The following PPP2R3B variants were observed in gnomAD, a reference collection of about 807,000 sequenced individuals.
PPP2R3B encodes serine/threonine-protein phosphatase 2A regulatory subunit B'' subunit beta.
Under a neutral mutation model 72.9 loss-of-function variants are expected in PPP2R3B, and 68 were observed. The ratio of observed to expected loss-of-function variants is 0.93; its 90% CI spans 0.77 to 1.14. The LOEUF (loss-of-function observed/expected upper bound fraction) is 1.14, where lower values mean the gene tolerates loss of function less well. Among genes scored for constraint, PPP2R3B ranks in the 50% most tolerant of loss-of-function variants. The pLI is 0.00. For missense variants in PPP2R3B, 1,018 were observed against 842.0 expected (o/e 1.21, Z -2.59); for synonymous variants, 466 against 375.8 (o/e 1.24, Z -2.78).
chrX:334,618 A>C (rs2070839100), intron 12 of PPP2R3B, 101 bp from the exon 13 acceptor site: 3 of 1,304,844 alleles, frequency 2.3e-6, no homozygotes, highest in Non-Finnish European at 3.0e-6. Context: ...CTCCAGCACG[A>C]GACAGTCCCC....
rs763001042 is a variant in PPP2R3B, at chrX:345,153, C to A, written c.1036+363G>T. ...TGGAAACTGCTCCAGGCCTTGGGGG[C>A]TGGAACCTGGAGCTCCTGAGGGAAG... On this transcript the variant is annotated intron_variant, in intron 7 of 12. Coordinates refer to ENST00000390665, the MANE Select transcript of PPP2R3B (RefSeq NM_013239.5). 2.1e-4 allele frequency: 110 copies of A among 523,888 alleles called. No individual in the cohort carries two copies. The Admixed American group carries it at 2.5e-3, about 12-fold the overall frequency. 32.5% of individuals were successfully genotyped at this position (523,888 alleles called of 1,614,324 possible).
At position 334,062 on chromosome X, in the gene PPP2R3B, A is replaced by T. The variant is rs1463862283; in HGVS notation, c.*305T>A. Reference sequence around the variant, plus strand: ...GGAGCCGCCGGTCACCGTTGTGCGCACACGGACCCTTTCCACAGACGCAGG... The same window carrying T: ...GGAGCCGCCGGTCACCGTTGTGCGCTCACGGACCCTTTCCACAGACGCAGG... On this transcript the variant is annotated 3_prime_UTR_variant, in exon 13 of 13. Coordinates refer to ENST00000390665, the MANE Select transcript of PPP2R3B (RefSeq NM_013239.5). The T allele has an allele frequency of 1.3e-5, 4 of 309,044 alleles. No individual in the cohort carries two copies. Among genetic ancestry groups the T allele is most frequent in the Non-Finnish European group, 2.4e-5 (4 of 169,186 alleles). The allele number at this position is 309,044 out of a possible 1,614,324, so 19.1% of individuals were successfully genotyped here.
intron 5 of PPP2R3B, 36 bp from the exon 6 acceptor site, chrX:346,296 G>A (rs1458207883): frequency 2.6e-6 from 4 of 1,534,758 alleles, no homozygotes; most frequent in Non-Finnish European, 2.6e-6. Flanking sequence ...GGTGCGCAGA[G>A]ACCCCCAGGA....
chrX:365,904 G>GTC (rs2071698414), intron 1 of PPP2R3B, among the ~76,000 whole-genome samples: 5 of 7,534 alleles, frequency 6.6e-4, no homozygotes, highest in African/African-American at 1.9e-3. Flanking sequence ...CAGGTGTGGT[G>GTC]GCGCATGCCT....
At chrX:378,172 A>G (rs185527351) in intron 1 of PPP2R3B, among the ~76,000 whole-genome samples, 227 of 152,338 alleles carry the variant, frequency 1.5e-3, no homozygotes, top group African/African-American at 4.9e-3. Context: ...CCTACTCTGA[A>G]GAGACAACAT....
In PPP2R3B at chrX:386,692, G is replaced by A. The variant is rs753008793; in HGVS notation, c.-1C>T. The A allele has an allele frequency of 2.3e-6, 3 of 1,288,336 alleles. No individual in the cohort carries two copies. Among genetic ancestry groups the A allele is most frequent in the African/African-American group, 3.1e-5 (2 of 64,032 alleles). The allele number at this position is 1,288,336 out of a possible 1,614,324, so 79.8% of individuals were successfully genotyped here. On this transcript the variant is annotated 5_prime_UTR_variant, in exon 1 of 13. Transcript: ENST00000390665. ...GCTGCAGCACTTTGCCGGGCGGCAT[G>A]GCGGGGGCTGGGCCCGCGGCGCCCC...
At chrX:356,549 A>G (rs1392833241) in intron 2 of PPP2R3B, among the ~76,000 whole-genome samples, 1 of 152,200 alleles carries the variant, frequency 6.6e-6, no homozygotes, top group Non-Finnish European at 1.5e-5. Context: ...TTACAAAACT[A>G]AACATGTGGC....
Position 341,897 on chromosome X carries a change from T to C in PPP2R3B, c.1071A>G (p.Ser357=), listed in dbSNP as rs2071087180. Residue 357 remains serine, a synonymous_variant, in exon 8 of 13, where the codon TCA becomes TCG. Transcript: ENST00000390665. ...GCCGTACGTACCGTGTGACTGCTCCTGAGAAGATCCTGTCTATCATCTTGG... is the reference window on the plus strand; with the variant it reads ...GCCGTACGTACCGTGTGACTGCTCCCGAGAAGATCCTGTCTATCATCTTGG... ...LSTKMIDRIF[S]GAVTRGRKVQ... 6.2e-7 allele frequency: 1 copy of C among 1,612,686 alleles called. No homozygotes were observed. The highest frequency in any genetic ancestry group is 1.3e-5 in the African/African-American group (1 of 75,062).
At chrX:378,966 C>T (rs919701290) in intron 1 of PPP2R3B, among the ~76,000 whole-genome samples, 15 of 152,348 alleles carry the variant, frequency 9.8e-5, no homozygotes, top group African/African-American at 3.4e-4. Flanking sequence ...TTTTGTCTTA[C>T]AACATGTTTG....
intron 12 of PPP2R3B, 118 bp from the exon 13 acceptor site, chrX:334,635 G>A (rs1166091130): frequency 9.3e-5 from 109 of 1,173,194 alleles, no homozygotes; most frequent in Non-Finnish European, 1.1e-4. Flanking sequence ...CCCCTGAGCC[G>A]ACCTTGAGCT....
chrX:342,087 A>T, intron 7 of PPP2R3B, 156 bp from the exon 8 acceptor site: 1 of 796,522 alleles, frequency 1.3e-6, no homozygotes. Flanking sequence ...TGCACGGCCC[A>T]TCCTAGGGGC....
chrX:361,982 C>G (rs766732938), intron 1 of PPP2R3B, among the ~76,000 whole-genome samples: 2 of 152,300 alleles, frequency 1.3e-5, no homozygotes, highest in Admixed American at 1.3e-4. Context: ...AAAAGGGCAG[C>G]CACGCACCCC....
At chrX:366,662 C>T (rs866192070) in intron 1 of PPP2R3B, among the ~76,000 whole-genome samples, 1 of 40,188 alleles carries the variant, frequency 2.5e-5, no homozygotes, top group African/African-American at 1.7e-4. Context: ...CGCACCACTG[C>T]ACTCCAGCCT....
rs760263350 is a variant in PPP2R3B, at chrX:334,363, G to A, written c.*4C>T. ...GCCCCGCGGCGGCGTTCTCGCGGGCGGCGTCACAGCGGCTCCAGGTCCTCG... is the reference window on the plus strand; with the variant it reads ...GCCCCGCGGCGGCGTTCTCGCGGGCAGCGTCACAGCGGCTCCAGGTCCTCG... On this transcript the variant is annotated 3_prime_UTR_variant, in exon 13 of 13. Coordinates refer to ENST00000390665, the MANE Select transcript of PPP2R3B (RefSeq NM_013239.5). 165 of 1,493,380 alleles carry A rather than the reference G, an allele frequency of 1.1e-4. No homozygotes were observed. The East Asian group carries it at 2.4e-3, about 22-fold the overall frequency. The allele number at this position is 1,493,380 out of a possible 1,614,324, so 92.5% of individuals were successfully genotyped here.
intron 1 of PPP2R3B, among the ~76,000 whole-genome samples, chrX:378,129 C>G (rs980736923): frequency 1.3e-5 from 2 of 151,918 alleles, no homozygotes; most frequent in African/African-American, 2.4e-5. Context: ...ACGGAATCTG[C>G]GAGGCCTGTT....
intron 2 of PPP2R3B, among the ~76,000 whole-genome samples, chrX:357,806 G>A (rs1323645045): frequency 6.6e-6 from 1 of 152,164 alleles, no homozygotes; most frequent in Non-Finnish European, 1.5e-5. Flanking sequence ...TGAAGGAGCT[G>A]ATGACTCTGT....
Position 348,581 on chromosome X carries a change from A to AAAAAAAAAAAAAAAAAG in PPP2R3B, c.511-889_511-888insCTTTTTTTTTTTTTTTT, listed in dbSNP as rs111787156. 2.3e-3 allele frequency among the ~76,000 whole-genome samples: 325 copies of AAAAAAAAAAAAAAAAAG among 144,396 alleles called. 4 individuals are homozygous for AAAAAAAAAAAAAAAAAG. Among genetic ancestry groups the AAAAAAAAAAAAAAAAAG allele is most frequent in the Middle Eastern group, 0.014 (4 of 282 alleles). 94.7% of individuals were successfully genotyped at this position (144,396 alleles called of 152,430 possible). Reference sequence around the variant, plus strand: ...ACAGAGAGAGACTCTGTCTCAAAAAAAGAGCAAATACAGATTAGCCATGTC... The same window carrying AAAAAAAAAAAAAAAAAG: ...ACAGAGAGAGACTCTGTCTCAAAAAAAAAAAAAAAAAAAAAAGAGAGCAAATACAGATTAGCCATGTC... On this transcript the variant is annotated intron_variant, in intron 2 of 12. Coordinates refer to ENST00000390665, the MANE Select transcript of PPP2R3B (RefSeq NM_013239.5).
intron 7 of PPP2R3B, 71 bp from the exon 8 acceptor site, chrX:342,002 G>A (rs1451571133): frequency 8.2e-6 from 13 of 1,579,724 alleles, no homozygotes; most frequent in Middle Eastern, 1.7e-4. Flanking sequence ...CCCCGGAGCC[G>A]AGACTGGATG....
At chrX:356,041 A>C (rs1484649693) in intron 2 of PPP2R3B, among the ~76,000 whole-genome samples, 2 of 152,196 alleles carry the variant, frequency 1.3e-5, no homozygotes, top group Admixed American at 6.5e-5. Context: ...ATGAGAAAGA[A>C]ACACGTAAGG....
Sources: allele counts gnomAD v4.1 joint callset (sites outside exome capture counted in the v4.1 genomes callset), GRCh38; gene constraint gnomAD v4.1.1; transcripts MANE v1.5; gene names NCBI Gene and HGNC (gene_info 2026-07-23, HGNC 2026-07-21).